Variants in FCHO1 observed in about 807,000 individuals in gnomAD.
The protein encoded by FCHO1 is F-BAR domain only protein 1.
In FCHO1, 45 loss-of-function variants were observed where a neutral mutation model predicts 114.4. That is an observed-to-expected ratio of 0.39 (90% CI 0.31 to 0.50). FCHO1 has a LOEUF of 0.50. FCHO1 is among the 20% of genes least tolerant of loss of function. FCHO1 has a pLI of 0.77. For missense variants in FCHO1, 1,042 were observed against 1,209.6 expected, an observed-to-expected ratio of 0.86 and a Z score of 2.06; for synonymous variants, 480 against 488.9, an observed-to-expected ratio of 0.98 and a Z score of 0.24.
At chr19:17,772,433 C>T in intron 9 of FCHO1, 24 bp from the exon 10 acceptor site, 1 of 1,597,742 alleles carries the variant, frequency 6.3e-7, no homozygotes. Flanking sequence ...CTCCTTTCCA[C>T]CTGCCTCTGC....
At position 17,762,863 on chromosome 19, in the gene FCHO1, C is replaced by G; in HGVS notation, c.119+10C>G. 1 of 1,593,430 alleles carries G rather than the reference C, an allele frequency of 6.3e-7. No individual in the cohort carries two copies. Among genetic ancestry groups the G allele is most frequent in the Non-Finnish European group, 8.6e-7 (1 of 1,161,588 alleles). On this transcript the variant is annotated intron_variant, in intron 5 of 28. Transcript: ENST00000596536. ...ACTTCATCCGGGAGAGGTGAGGTCC[C>G]CAAGCCCCATCCACCAGAGGCCACG... is the stretch of plus-strand genomic sequence containing the variant.
Position 17,776,419 on chromosome 19 carries a change from T to A in FCHO1, c.1207+148T>A. The A allele has an allele frequency of 8.5e-7, 1 of 1,175,794 alleles. No homozygotes were observed. Among genetic ancestry groups the A allele is most frequent in the Non-Finnish European group, 1.3e-6 (1 of 784,634 alleles). The allele number at this position is 1,175,794 out of a possible 1,614,324, so 72.8% of individuals were successfully genotyped here. A position where few individuals can be genotyped will look rare whatever the true frequency, so the allele number is the denominator to read the frequency against. ...TCTCCTTTTCTGTAAAATGAGGTCA[T>A]TATGAAATTAAGTGAGAGCTGAAAG... On this transcript the variant is annotated intron_variant, in intron 17 of 28. Transcript: ENST00000596536. The surrounding 1 kb of genome is among the most constrained non-coding windows in gnomAD (Gnocchi z 4.4).
At chr19:17,786,663 AG>A in intron 27 of FCHO1, 34 bp downstream of exon 27, 2 of 261,960 alleles carry the variant, frequency 7.6e-6, no homozygotes, top group Non-Finnish European at 1.6e-5. Context: ...GCTGGGTGGG[AG>A]GGACTGGGGT....
intron 24 of FCHO1, among the ~76,000 whole-genome samples, chr19:17,783,845 T>C (rs1252411673): frequency 6.6e-6 from 1 of 152,060 alleles, no homozygotes; most frequent in Non-Finnish European, 1.5e-5. Flanking sequence ...CCTCCCAAAG[T>C]GCTGGGATTA....
Position 17,778,803 on chromosome 19 carries a change from C to A in FCHO1, c.1546C>A (p.Arg516=). The A allele has an allele frequency of 6.5e-7, 1 of 1,543,406 alleles. No individual in the cohort carries two copies. The highest frequency in any genetic ancestry group is 8.7e-7 in the Non-Finnish European group (1 of 1,150,828). Residue 516 remains arginine (R), a synonymous_variant, in exon 20 of 29, where the codon CGG becomes AGG. Transcript: ENST00000596536. The part of the protein sequence containing the change: ...RAPPPEARGI[R]APPLPDSPQP... Reference sequence around the variant, plus strand: ...GCCACCCCCAGAGGCCAGGGGTATCCGGGCACCGCCTCTGCCAGACTCGCC... The same window carrying A: ...GCCACCCCCAGAGGCCAGGGGTATCAGGGCACCGCCTCTGCCAGACTCGCC...
chr19:17,784,897 A>C lies in FCHO1; in HGVS notation c.2399A>C (p.Asn800Thr), dbSNP rs200974277. ...ILLPVGEPVT[N>T]VRLQPAATWN... Reference sequence around the variant, plus strand: ...CTGCCTGTGGGGGAGCCTGTGACCAACGTCCGCTTGCAGCCGGCTGCCACC... The same window carrying C: ...CTGCCTGTGGGGGAGCCTGTGACCACCGTCCGCTTGCAGCCGGCTGCCACC... Residue 800 changes from asparagine (N) to threonine (T), a missense_variant, in exon 26 of 29, where the codon AAC (asparagine) becomes ACC (threonine). Transcript: ENST00000596536. This position sits in a 1 kb window ranked among gnomAD's most constrained non-coding sequence, Gnocchi z 5.3. 1.3e-4 allele frequency: 202 copies of C among 1,612,734 alleles called. 1 individual carries two copies. In the East Asian group the frequency reaches 4.4e-3, roughly 35 times the overall value.
chr19:17,750,909 C>G (rs1208319376), upstream of FCHO1, among the ~76,000 whole-genome samples: 1 of 147,508 alleles, frequency 6.8e-6, no homozygotes, highest in African/African-American at 2.5e-5. Context: ...ACTGCAACCT[C>G]TGGCTCACTG....
intron 7 of FCHO1, among the ~76,000 whole-genome samples, chr19:17,768,411 G>T (rs118006164): frequency 0.013 from 1,996 of 151,870 alleles, 16 homozygotes; most frequent in Non-Finnish European, 0.021. Flanking sequence ...GATCTTGCTA[G>T]CCAGGAGCGA....
intron 5 of FCHO1, among the ~76,000 whole-genome samples, chr19:17,764,116 C>T (rs573351971): frequency 1.3e-5 from 2 of 151,978 alleles, no homozygotes; most frequent in Admixed American, 6.5e-5. Flanking sequence ...CTCAGCTCAC[C>T]GCAACCTCCA....
intron 18 of FCHO1, among the ~76,000 whole-genome samples, chr19:17,777,227 G>C (rs1399871705): frequency 6.6e-6 from 1 of 152,032 alleles, no homozygotes; most frequent in Non-Finnish European, 1.5e-5. Flanking sequence ...ACATTCTAGT[G>C]ACTCCAGATT....
intron 4 of FCHO1, 24 bp downstream of exon 4, chr19:17,755,215 G>T (rs138902688): frequency 3.8e-6 from 6 of 1,594,894 alleles, no homozygotes; most frequent in Non-Finnish European, 5.1e-6. Flanking sequence ...TTATTTAGGC[G>T]GGGGATGCTG....
chr19:17,755,549 T>G, intron 4 of FCHO1: 2 of 197,726 alleles, frequency 1.0e-5, no homozygotes, highest in Non-Finnish European at 2.1e-5. Flanking sequence ...TTCCACCCCC[T>G]TCCCATCCTG....
At chr19:17,768,978 A>G (rs1214516412) in intron 7 of FCHO1, among the ~76,000 whole-genome samples, 1 of 120,716 alleles carries the variant, frequency 8.3e-6, no homozygotes. Context: ...GTGAGACCCC[A>G]TCTCTTAAAA....
At chr19:17,765,145 C>T (rs987594366) in intron 6 of FCHO1, among the ~76,000 whole-genome samples, 2 of 151,618 alleles carry the variant, frequency 1.3e-5, no homozygotes, top group African/African-American at 4.8e-5. Context: ...GGGGTGGGCC[C>T]GACCTCCCTG....
chr19:17,787,187 G>A (rs11879255), intron 27 of FCHO1, among the ~76,000 whole-genome samples: 21,347 of 131,720 alleles, frequency 0.16, 1,815 homozygotes, highest in African/African-American at 0.18. Context: ...TCGTGCCACT[G>A]CACTCCAGCC....
intron 20 of FCHO1, among the ~76,000 whole-genome samples, chr19:17,780,161 C>CTT (rs11400972): frequency 0.02 from 2,109 of 103,132 alleles, 52 homozygotes; most frequent in Non-Finnish European, 0.024. Flanking sequence ...AGAAGAAGCT[C>CTT]TTTTTTTTTT....
intron 4 of FCHO1, among the ~76,000 whole-genome samples, chr19:17,761,969 T>TTTCATTCC (rs2086452252): frequency 6.8e-6 from 1 of 148,114 alleles, no homozygotes; most frequent in Admixed American, 6.8e-5. Flanking sequence ...TTTATTTTTA[T>TTTCATTCC]TTCATTCATT....
At chr19:17,766,181 T>C (rs999378492) in intron 6 of FCHO1, among the ~76,000 whole-genome samples, 3 of 148,056 alleles carry the variant, frequency 2.0e-5, no homozygotes, top group South Asian at 2.1e-4. Flanking sequence ...TGAACCATTT[T>C]TTTTTTTTTT....
intron 27 of FCHO1, 34 bp downstream of exon 27, chr19:17,786,663 A>T: frequency 6.1e-5 from 16 of 261,940 alleles, no homozygotes; most frequent in Non-Finnish European, 1.2e-4. Flanking sequence ...GCTGGGTGGG[A>T]GGGACTGGGG....
Sources: allele counts gnomAD v4.1 joint callset (sites outside exome capture counted in the v4.1 genomes callset), GRCh38; gene constraint gnomAD v4.1.1; non-coding constraint Gnocchi (gnomAD v3.1); transcripts MANE v1.5; gene names NCBI Gene and HGNC (gene_info 2026-07-23, HGNC 2026-07-21).